The following KLHL20 variants were observed in gnomAD, a reference collection of about 807,000 sequenced individuals.
KLHL20 encodes the protein kelch-like protein 20.
A neutral mutation model predicts 69.5 loss-of-function variants in KLHL20; 29 were observed. That is an observed-to-expected ratio of 0.42 (90% confidence interval 0.31 to 0.57). KLHL20 has a LOEUF of 0.57. Among genes scored for constraint, KLHL20 ranks in the 20% least tolerant of loss-of-function variants. The pLI, the probability that KLHL20 is intolerant of heterozygous loss-of-function variation, is 0.18. For missense variants in KLHL20, 419 were observed against 776.0 expected (o/e 0.54, Z 5.47); for synonymous variants, 253 against 265.2 (o/e 0.95, Z 0.45).
At chr1:173,727,457 C>G (rs1672031758) in intron 2 of KLHL20, among the ~76,000 whole-genome samples, 2 of 152,056 alleles carry the variant, frequency 1.3e-5, no homozygotes. Flanking sequence ...GTCAGATTCA[C>G]CAAGGTTGAA....
intron 3 of KLHL20, among the ~76,000 whole-genome samples, chr1:173,740,195 C>G (rs1025471665): frequency 6.7e-6 from 1 of 149,596 alleles, no homozygotes; most frequent in Non-Finnish European, 1.5e-5. Flanking sequence ...GATTTCGGCT[C>G]ACTGCAAGCT....
chr1:173,778,827 T>G (rs1341414323), intron 10 of KLHL20, among the ~76,000 whole-genome samples: 2 of 152,170 alleles, frequency 1.3e-5, no homozygotes, highest in Non-Finnish European at 2.9e-5. Flanking sequence ...CTTTTTCATC[T>G]CTGATTTTAT....
Position 173,774,293 on chromosome 1 carries a change from C to T in KLHL20, c.1296-12C>T. On this transcript the variant is annotated splice_polypyrimidine_tract_variant and intron_variant, in intron 8 of 11. Transcript: ENST00000209884. ...TAAGAACAAGCATACAGTCTGGTTT[C>T]CCTCACTGCAGGTATGATCCGAAGG... is the stretch of plus-strand genomic sequence containing the variant. 1.2e-6 allele frequency: 2 copies of T among 1,614,072 alleles called. No homozygotes were observed. Among genetic ancestry groups the T allele is most frequent in the Middle Eastern group, 1.7e-4 (1 of 6,060 alleles).
At chr1:173,728,508 G>C (rs1488399866) in intron 2 of KLHL20, among the ~76,000 whole-genome samples, 3 of 152,100 alleles carry the variant, frequency 2.0e-5, no homozygotes, top group African/African-American at 7.2e-5. Flanking sequence ...GCTCTCCTCA[G>C]CAAATGTAAA....
chr1:173,721,571 C>G (rs1267683556), intron 2 of KLHL20, among the ~76,000 whole-genome samples: 1 of 152,224 alleles, frequency 6.6e-6, no homozygotes, highest in African/African-American at 2.4e-5. Context: ...AACTAGCATG[C>G]TTGCATGAGG....
chr1:173,743,342 C>T (rs1672913968), intron 3 of KLHL20, among the ~76,000 whole-genome samples: 1 of 151,982 alleles, frequency 6.6e-6, no homozygotes. Flanking sequence ...CAGTTGTTAA[C>T]ATTTTGCCTC....
chr1:173,729,023 A>G (rs1274964984), intron 2 of KLHL20, among the ~76,000 whole-genome samples: 3 of 152,242 alleles, frequency 2.0e-5, no homozygotes, highest in African/African-American at 7.2e-5. Context: ...AATAGACGCA[A>G]TAAAAAATGA....
chr1:173,743,174 C>T (rs1223390349), intron 3 of KLHL20, among the ~76,000 whole-genome samples: 1 of 150,288 alleles, frequency 6.7e-6, no homozygotes, highest in Non-Finnish European at 1.5e-5. Context: ...GATGCTCAAC[C>T]TCACCTATAA....
intron 7 of KLHL20, among the ~76,000 whole-genome samples, chr1:173,759,515 G>A (rs1340701029): frequency 6.6e-6 from 1 of 152,132 alleles, no homozygotes; most frequent in Non-Finnish European, 1.5e-5. Context: ...GGTATCCACA[G>A]CTGAGAGACC....
At chr1:173,737,251 T>G (rs1269244806) in intron 3 of KLHL20, among the ~76,000 whole-genome samples, 1 of 152,076 alleles carries the variant, frequency 6.6e-6, no homozygotes, top group Non-Finnish European at 1.5e-5. Context: ...TTTATCTTTG[T>G]TTTTGTTGCA....
At chr1:173,729,019 C>T (rs576283673) in intron 2 of KLHL20, among the ~76,000 whole-genome samples, 25 of 152,082 alleles carry the variant, frequency 1.6e-4, no homozygotes, top group African/African-American at 5.3e-4. Flanking sequence ...ATCAAATAGA[C>T]GCAATAAAAA....
chr1:173,754,771 T>C (rs1351049689), intron 5 of KLHL20, among the ~76,000 whole-genome samples: 1 of 152,200 alleles, frequency 6.6e-6, no homozygotes, highest in Non-Finnish European at 1.5e-5. Context: ...TAAAAGTACT[T>C]ATGAAGTCAT....
chr1:173,732,929 A>T (rs1672353333), intron 2 of KLHL20, among the ~76,000 whole-genome samples: 1 of 152,118 alleles, frequency 6.6e-6, no homozygotes, highest in Non-Finnish European at 1.5e-5. Flanking sequence ...AGTCCTGCTA[A>T]ATCATCATTT....
intron 2 of KLHL20, among the ~76,000 whole-genome samples, chr1:173,731,464 A>G (rs1672273147): frequency 6.6e-6 from 1 of 152,186 alleles, no homozygotes; most frequent in South Asian, 2.1e-4. Context: ...CTTGGAACCA[A>G]CCCAAATGTC....
At chr1:173,746,836 T>C (rs1279031518) in intron 3 of KLHL20, among the ~76,000 whole-genome samples, 3 of 152,028 alleles carry the variant, frequency 2.0e-5, no homozygotes, top group African/African-American at 7.2e-5. Context: ...TTTCATTCTT[T>C]TGTATTAACT....
chr1:173,731,385 A>G lies in KLHL20; in HGVS notation c.24-2328A>G, dbSNP rs889780707. Among the ~76,000 whole-genome samples the G allele has an allele frequency of 1.4e-4, 22 of 152,346 alleles. 1 individual carries two copies. The highest frequency in any genetic ancestry group is 5.1e-4 in the African/African-American group (21 of 41,574). ...ATACTGGGTATATACCCAAAGGATT[A>G]TAAATCATGCTGCTATAAAGACACA... On this transcript the variant is annotated intron_variant, in intron 2 of 11. Transcript: ENST00000209884.
chr1:173,715,833 T>C (rs1671443373), intron 1 of KLHL20, among the ~76,000 whole-genome samples, 170 bp from the exon 2 acceptor site: 1 of 152,246 alleles, frequency 6.6e-6, no homozygotes, highest in Non-Finnish European at 1.5e-5. Context: ...GTAAGGATGG[T>C]AATCTTAAAT....
intron 3 of KLHL20, among the ~76,000 whole-genome samples, chr1:173,736,604 T>A (rs1672545265): frequency 6.6e-6 from 1 of 152,072 alleles, no homozygotes; most frequent in Admixed American, 6.6e-5. Context: ...TTTTTTTTTT[T>A]TTTAATTTTG....
chr1:173,734,988 G>T (rs772195211), intron 3 of KLHL20, among the ~76,000 whole-genome samples: 1 of 152,152 alleles, frequency 6.6e-6, no homozygotes, highest in Non-Finnish European at 1.5e-5. Flanking sequence ...CTTTGGTGCT[G>T]GAACAACTTG....
Sources: allele counts gnomAD v4.1 joint callset (sites outside exome capture counted in the v4.1 genomes callset), GRCh38; gene constraint gnomAD v4.1.1; transcripts MANE v1.5; gene names NCBI Gene and HGNC (gene_info 2026-07-23, HGNC 2026-07-21).